The following PPAT variants were observed in gnomAD, a reference collection of about 807,000 sequenced individuals.
The protein encoded by PPAT is amidophosphoribosyltransferase.
A neutral mutation model predicts 60.2 loss-of-function variants in PPAT; 20 were observed. The ratio of observed to expected loss-of-function variants is 0.33; its 90% CI spans 0.23 to 0.48. The LOEUF (loss-of-function observed/expected upper bound fraction) is 0.48, where lower values mean the gene tolerates loss of function less well. Ranked by LOEUF, PPAT falls within the 20% of genes least tolerant of loss-of-function variation. The pLI, the probability that PPAT is intolerant of heterozygous loss-of-function variation, is 0.99. For synonymous variants in PPAT, 194 were observed against 215.1 expected (o/e 0.90, Z 0.86); for missense variants, 349 against 629.6 (o/e 0.55, Z 4.77).
chr4:56,411,471 T>C (rs933065096), intron 1 of PPAT, among the ~76,000 whole-genome samples: 11 of 152,214 alleles, frequency 7.2e-5, no homozygotes, highest in African/African-American at 1.9e-4. Context: ...ATTTAGTACA[T>C]GAAATGATCT....
intron 1 of PPAT, among the ~76,000 whole-genome samples, chr4:56,433,337 T>C (rs1013707074): frequency 4.0e-5 from 6 of 151,198 alleles, no homozygotes; most frequent in African/African-American, 1.5e-4. Context: ...TTACAATTCT[T>C]TCACAGAAAA....
At position 56,395,268 on chromosome 4, in the gene PPAT, G is replaced by A; in HGVS notation, c.*84C>T. 8.4e-7 allele frequency: 1 copy of A among 1,185,514 alleles called. No individual in the cohort carries two copies. 73.4% of individuals were successfully genotyped at this position (1,185,514 alleles called of 1,614,324 possible). A position where few individuals can be genotyped will look rare whatever the true frequency, so the allele number is the denominator to read the frequency against. On this transcript the variant is annotated 3_prime_UTR_variant, in exon 11 of 11. Transcript: ENST00000264220. ...TGGCATTTTACATTGTACCAACTGA[G>A]TAACAGTAAATAGATGAGGTGTGAC...
intron 1 of PPAT, chr4:56,420,383 A>G (rs1480211264): frequency 6.6e-6 from 1 of 152,216 alleles, no homozygotes; most frequent in Non-Finnish European, 1.5e-5. Flanking sequence ...AAAGTTTCAA[A>G]TTTTGTAGCA....
rs1425739387 is a variant in PPAT at position 56,435,438 on chromosome 4, C to T, written c.40G>A (p.Val14Met). The T allele has an allele frequency of 9.3e-6, 15 of 1,613,850 alleles. No individual in the cohort carries two copies. Among genetic ancestry groups the T allele is most frequent in the Non-Finnish European group, 1.3e-5 (15 of 1,179,908 alleles). Residue 14 changes from valine (V) to methionine (M), a missense_variant, in exon 1 of 11, where the codon GTG becomes ATG. Val to Met is a conservative substitution (Grantham distance 21). Around this residue, in one of 5 missense-constraint regions of PPAT, gnomAD observed 115 missense variants for 174.5 expected, o/e 0.66. Transcript: ENST00000264220. ...EELGIREECG[V>M]FGCIASGEWP... ...TCTCCTGAGGCGATGCACCCGAACA[C>T]GCCACATTCCTCTCGGATCCCCAAC...
At chr4:56,433,047 T>A (rs1347473083) in intron 1 of PPAT, among the ~76,000 whole-genome samples, 1 of 151,338 alleles carries the variant, frequency 6.6e-6, no homozygotes, top group Non-Finnish European at 1.5e-5. Flanking sequence ...CTTAGTTTTA[T>A]TCTGGCCCTT....
At chr4:56,406,027 T>C (rs1014012660) in intron 3 of PPAT, among the ~76,000 whole-genome samples, 3 of 152,168 alleles carry the variant, frequency 2.0e-5, no homozygotes, top group Non-Finnish European at 2.9e-5. Flanking sequence ...CAGAATACAA[T>C]TGAATTATAG....
At chr4:56,401,243 G>A in intron 7 of PPAT, 87 bp downstream of exon 7, 1 of 1,255,048 alleles carries the variant, frequency 8.0e-7, no homozygotes, top group Non-Finnish European at 1.1e-6. Flanking sequence ...CAAAGAGCCA[G>A]GTAAGCCTTT....
intron 1 of PPAT, chr4:56,419,679 G>C (rs1716943762): frequency 1.0e-6 from 1 of 983,928 alleles, no homozygotes; most frequent in Middle Eastern, 5.2e-4. Context: ...AGCAAATGAA[G>C]GAGGAAAGCA....
chr4:56,400,241 C>T (rs932646500), intron 8 of PPAT: 2 of 152,304 alleles, frequency 1.3e-5, no homozygotes, highest in African/African-American at 4.8e-5. Context: ...TGAAGATCCA[C>T]TTTCACATAA....
chr4:56,434,378 T>C (rs1352277776), intron 1 of PPAT, among the ~76,000 whole-genome samples: 1 of 152,252 alleles, frequency 6.6e-6, no homozygotes, highest in Non-Finnish European at 1.5e-5. Context: ...TTAACTGTAG[T>C]GTAAGTTGTT....
chr4:56,419,879 G>C (rs910276033), intron 1 of PPAT: 2 of 984,680 alleles, frequency 2.0e-6, no homozygotes, highest in Middle Eastern at 1.0e-3. Context: ...ACGAATACAA[G>C]ATCGTAAGAA....
rs964831248 is a variant in PPAT at position 56,396,865 on chromosome 4, C to T, written c.1237-126G>A. 1 of 928,362 alleles carries T rather than the reference C, an allele frequency of 1.1e-6. No homozygotes were observed. Among genetic ancestry groups the T allele is most frequent in the Non-Finnish European group, 1.5e-6 (1 of 662,122 alleles). 57.5% of individuals were successfully genotyped at this position (928,362 alleles called of 1,614,324 possible). A position where few individuals can be genotyped will look rare whatever the true frequency, so the allele number is the denominator to read the frequency against. ...ACATATGGGTAATAAATTATTCTTTCTACAAAGCTGCTTCTTGGTTTTTTT... is the reference window on the plus strand; with the variant it reads ...ACATATGGGTAATAAATTATTCTTTTTACAAAGCTGCTTCTTGGTTTTTTT... On this transcript the variant is annotated intron_variant, in intron 9 of 10. Transcript: ENST00000264220. This position sits in a 1 kb window ranked among gnomAD's most constrained non-coding sequence, Gnocchi z 4.6.
chr4:56,410,178 C>A lies in PPAT; in HGVS notation c.129-2462G>T, dbSNP rs944566463. On this transcript the variant is annotated intron_variant, in intron 1 of 10. Coordinates refer to ENST00000264220, the MANE Select transcript of PPAT (RefSeq NM_002703.5). ...CCTCTTGGAAAAAGCCTCTGCCAAC[C>A]ATTTTCAAAACAATTTTTAAAAATC... 1.2e-4 allele frequency among the ~76,000 whole-genome samples: 18 copies of A among 152,096 alleles called. 1 individual carries two copies. Among genetic ancestry groups the A allele is most frequent in the Admixed American group, 8.5e-4 (13 of 15,252 alleles).
chr4:56,413,783 G>A (rs1264999512), intron 1 of PPAT, among the ~76,000 whole-genome samples: 1 of 152,062 alleles, frequency 6.6e-6, no homozygotes, highest in African/African-American at 2.4e-5. Flanking sequence ...TGTAATCCCA[G>A]CTACTTGGGA....
At position 56,395,514 on chromosome 4, in the gene PPAT, T is replaced by A; in HGVS notation, c.1392A>T (p.Gly464=). The A allele has an allele frequency of 6.2e-7, 1 of 1,600,224 alleles. No homozygotes were observed. Among genetic ancestry groups the A allele is most frequent in the Non-Finnish European group, 8.5e-7 (1 of 1,174,792 alleles). Residue 464 remains glycine (G), a synonymous_variant, in exon 11 of 11, where the codon GGA becomes GGT. Coordinates refer to ENST00000264220, the MANE Select transcript of PPAT (RefSeq NM_002703.5). Reference sequence around the variant, plus strand: ...TCCCTTCTTGTACAGATGAAACCAGTCCTTCTACTGACAGATACACAACAC... The same window carrying A: ...TCCCTTCTTGTACAGATGAAACCAGACCTTCTACTGACAGATACACAACAC... The part of the protein sequence containing the change: ...ANSVVYLSVE[G]LVSSVQEGIK...
rs116751616 is a variant in PPAT, at chr4:56,430,508, G to A, written c.128+4842C>T. ...CCACAGTGCCTTAGTAATATACTTA[G>A]ATGTACATTATTCCTATTTGTTGAG... is the stretch of plus-strand genomic sequence containing the variant. On this transcript the variant is annotated intron_variant, in intron 1 of 10. Transcript: ENST00000264220. Among the ~76,000 whole-genome samples, 1,516 of 152,180 alleles carry A rather than the reference G, an allele frequency of 1.0e-2. 12 individuals are homozygous for A. The highest frequency in any genetic ancestry group is 0.015 in the Non-Finnish European group (1,034 of 67,962).
chr4:56,427,642 TA>T (rs3036919), intron 1 of PPAT, among the ~76,000 whole-genome samples: 4,629 of 140,440 alleles, frequency 0.033, 208 homozygotes, highest in African/African-American at 0.1. Context: ...CCCTGTCTCT[TA>T]AAAAAAAAAA....
intron 1 of PPAT, chr4:56,431,334 G>A: frequency 2.5e-6 from 1 of 404,270 alleles, no homozygotes; most frequent in African/African-American, 2.2e-5. Flanking sequence ...GATTAACTGG[G>A]AACTAGATCC....
At chr4:56,427,792 A>T (rs770232355) in intron 1 of PPAT, among the ~76,000 whole-genome samples, 1 of 152,164 alleles carries the variant, frequency 6.6e-6, no homozygotes, top group African/African-American at 2.4e-5. Context: ...ACCCCAAAAT[A>T]ATACTGGGTC....
Sources: gnomAD v4.1 joint callset for allele counts (sites outside exome capture counted in the v4.1 genomes callset) on GRCh38, gnomAD v4.1.1 for gene constraint, gnomAD v4.1.1 regional missense constraint, Gnocchi (gnomAD v3.1) non-coding constraint, MANE v1.5 for transcripts, NCBI Gene and HGNC (gene_info 2026-07-23, HGNC 2026-07-21) for gene names.